Variants in UBE2E2 observed in about 807,000 individuals in gnomAD.
The protein encoded by UBE2E2 is ubiquitin conjugating enzyme E2 E2, also known as ubiquitin-conjugating enzyme E2 E2.
A neutral mutation model predicts 24.7 loss-of-function variants in UBE2E2; 6 were observed. The observed-to-expected ratio is 0.24, with a 90% CI of 0.13 to 0.48. UBE2E2 has a LOEUF of 0.48. UBE2E2 is among the 20% of genes least tolerant of loss of function. The pLI is 0.99. For missense variants in UBE2E2, 169 were observed against 245.0 expected (o/e 0.69, Z 2.07); for synonymous variants, 104 against 83.6 (o/e 1.24, Z -1.33).
intron 3 of UBE2E2, among the ~76,000 whole-genome samples, chr3:23,491,403 C>T (rs759474196): frequency 7.9e-5 from 12 of 152,078 alleles, no homozygotes; most frequent in Non-Finnish European, 1.5e-4. Context: ...GTTTTTATAA[C>T]GTTTATATTT....
At chr3:23,403,245 T>C (rs761002184) in intron 3 of UBE2E2, among the ~76,000 whole-genome samples, 12 of 152,266 alleles carry the variant, frequency 7.9e-5, no homozygotes, top group Non-Finnish European at 1.6e-4. Flanking sequence ...GGCAGAATTT[T>C]ATGGACACTG....
chr3:23,557,704 G>A (rs1301732313), intron 5 of UBE2E2, among the ~76,000 whole-genome samples: 2 of 152,180 alleles, frequency 1.3e-5, no homozygotes, highest in Non-Finnish European at 2.9e-5. Context: ...CCCTGCTGTA[G>A]TTAATGCAAT....
intron 3 of UBE2E2, among the ~76,000 whole-genome samples, 154 bp from the exon 4 acceptor site, chr3:23,499,454 A>T (rs773629717): frequency 1.1e-4 from 16 of 152,238 alleles, no homozygotes; most frequent in Non-Finnish European, 2.2e-4. Flanking sequence ...TAGGATAATG[A>T]CAATATTGGC....
At chr3:23,318,891 A>G (rs889702842) in intron 3 of UBE2E2, among the ~76,000 whole-genome samples, 2 of 152,216 alleles carry the variant, frequency 1.3e-5, no homozygotes, top group Admixed American at 6.5e-5. Context: ...TGTGTAAATA[A>G]CAATCTGCCT....
intron 3 of UBE2E2, among the ~76,000 whole-genome samples, chr3:23,371,483 A>C (rs1490350431): frequency 6.6e-6 from 1 of 152,182 alleles, no homozygotes; most frequent in African/African-American, 2.4e-5. Context: ...TTTTCTACCA[A>C]GCGAGGTATT....
At chr3:23,413,485 T>C (rs1202551841) in intron 3 of UBE2E2, among the ~76,000 whole-genome samples, 1 of 152,158 alleles carries the variant, frequency 6.6e-6, no homozygotes, top group Non-Finnish European at 1.5e-5. Context: ...TTCCCTGCAG[T>C]GCCCCAGCCA....
intron 3 of UBE2E2, among the ~76,000 whole-genome samples, chr3:23,442,099 C>G (rs575138495): frequency 6.6e-6 from 1 of 151,956 alleles, no homozygotes; most frequent in Non-Finnish European, 1.5e-5. Flanking sequence ...AAAATAAAAT[C>G]TGGGAGTAAA....
intron 3 of UBE2E2, among the ~76,000 whole-genome samples, chr3:23,411,426 T>C (rs1012323080): frequency 1.3e-5 from 2 of 152,120 alleles, no homozygotes; most frequent in Admixed American, 6.6e-5. Context: ...CCTTTGCCTC[T>C]TGCCTGATGA....
chr3:23,319,376 T>C (rs1033799236), intron 3 of UBE2E2, among the ~76,000 whole-genome samples: 1 of 152,216 alleles, frequency 6.6e-6, no homozygotes, highest in Non-Finnish European at 1.5e-5. Flanking sequence ...ATGTTTTAGC[T>C]TCTACCTCTG....
intron 3 of UBE2E2, among the ~76,000 whole-genome samples, chr3:23,413,888 G>A (rs1040762464): frequency 1.3e-5 from 2 of 152,098 alleles, no homozygotes; most frequent in African/African-American, 4.8e-5. Context: ...TAGCAACTAA[G>A]CATTCAAGAG....
chr3:23,444,992 CT>C (rs1215695713), intron 3 of UBE2E2, among the ~76,000 whole-genome samples: 1 of 152,204 alleles, frequency 6.6e-6, no homozygotes, highest in Admixed American at 6.5e-5. Context: ...GCCACCAACT[CT>C]TTTACTCCCT....
chr3:23,329,338 A>AT (rs1233983449), intron 3 of UBE2E2, among the ~76,000 whole-genome samples: 2 of 152,174 alleles, frequency 1.3e-5, no homozygotes, highest in Non-Finnish European at 2.9e-5. Flanking sequence ...GCTGTGGGGG[A>AT]TAAAATTATA....
chr3:23,441,823 T>G (rs1338135773), intron 3 of UBE2E2, among the ~76,000 whole-genome samples: 1 of 152,214 alleles, frequency 6.6e-6, no homozygotes, highest in Non-Finnish European at 1.5e-5. Context: ...ATCATTTTTT[T>G]TAATTACCAA....
intron 4 of UBE2E2, among the ~76,000 whole-genome samples, chr3:23,531,770 CTG>C: frequency 6.6e-6 from 1 of 151,922 alleles, no homozygotes; most frequent in East Asian, 1.9e-4. Flanking sequence ...TGTTTTAAAA[CTG>C]TGTTATAGGC....
intron 5 of UBE2E2, among the ~76,000 whole-genome samples, chr3:23,562,282 T>C (rs1208112434): frequency 6.6e-6 from 1 of 152,058 alleles, no homozygotes; most frequent in African/African-American, 2.4e-5. Flanking sequence ...GCATGAAGCG[T>C]TGTTGAATTT....
At chr3:23,356,904 C>A (rs1695970435) in intron 3 of UBE2E2, among the ~76,000 whole-genome samples, 1 of 152,186 alleles carries the variant, frequency 6.6e-6, no homozygotes, top group Non-Finnish European at 1.5e-5. Flanking sequence ...CTGATTTAAC[C>A]CATCAAAAGT....
chr3:23,459,418 G>A (rs1029279641), intron 3 of UBE2E2, among the ~76,000 whole-genome samples: 4 of 152,178 alleles, frequency 2.6e-5, no homozygotes, highest in Non-Finnish European at 5.9e-5. Flanking sequence ...TAGTTCAACA[G>A]TTATTAAAAA....
chr3:23,237,086 CT>C (rs1257654044), intron 3 of UBE2E2, among the ~76,000 whole-genome samples: 1 of 152,110 alleles, frequency 6.6e-6, no homozygotes, highest in Non-Finnish European at 1.5e-5. Context: ...AGTTACATAC[CT>C]TCTCAGTGCC....
chr3:23,452,976 C>T (rs944510036), intron 3 of UBE2E2, among the ~76,000 whole-genome samples: 2 of 152,108 alleles, frequency 1.3e-5, no homozygotes, highest in Admixed American at 6.6e-5. Context: ...TCCTGTTTTT[C>T]CCATAAGTGC....
Sources: gnomAD v4.1 joint callset for allele counts (sites outside exome capture counted in the v4.1 genomes callset) on GRCh38, gnomAD v4.1.1 for gene constraint, MANE v1.5 for transcripts, NCBI Gene and HGNC (gene_info 2026-07-23, HGNC 2026-07-21) for gene names.